TWIST2: variants seen among roughly 807,000 people sequenced by gnomAD.
TWIST2 encodes twist-related protein 2.
In TWIST2, 1 loss-of-function variant was observed where a neutral mutation model predicts 11.6. The ratio of observed to expected loss-of-function variants is 0.09; its 90% CI spans 0.03 to 0.41. TWIST2 has a LOEUF of 0.41. Among genes scored for constraint, TWIST2 ranks in the 10% least tolerant of loss-of-function variants. The pLI is 0.98. For synonymous variants in TWIST2, 87 were observed against 96.6 expected (o/e 0.90, Z 0.58); for missense variants, 168 against 226.4 (o/e 0.74, Z 1.66).
chr2:238,872,146 G>T (rs150605180), intron 1 of TWIST2, among the ~76,000 whole-genome samples: 1,826 of 152,296 alleles, frequency 0.012, 37 homozygotes, highest in African/African-American at 0.042. Context: ...TCCCACAGTG[G>T]GTCCTGCCTG....
intron 1 of TWIST2, among the ~76,000 whole-genome samples, chr2:238,858,948 A>G (rs1692378501): frequency 6.6e-6 from 1 of 152,222 alleles, no homozygotes; most frequent in African/African-American, 2.4e-5. Flanking sequence ...ACAGTGGCTC[A>G]CGCCTGTAAT....
intron 1 of TWIST2, among the ~76,000 whole-genome samples, chr2:238,902,999 CGTGATGTGAGGTGTGTGTGATGTGGGTGT>C (rs1693294542): frequency 9.7e-5 from 1 of 10,326 alleles, no homozygotes; most frequent in Non-Finnish European, 1.6e-4. Context: ...TGGGTATGTG[CGTGATGTGAGGTGTGTGTGATGTGGGTGT>C]GTGTGATGTG....
At chr2:238,854,400 G>A (rs1692294257) in intron 1 of TWIST2, among the ~76,000 whole-genome samples, 1 of 152,098 alleles carries the variant, frequency 6.6e-6, no homozygotes, top group Admixed American at 6.6e-5. Flanking sequence ...GAAAGATTTG[G>A]GCAAACCCCT....
chr2:238,871,489 C>T (rs1692700912), intron 1 of TWIST2, among the ~76,000 whole-genome samples: 1 of 101,488 alleles, frequency 9.9e-6, no homozygotes, highest in African/African-American at 3.9e-5. Context: ...CCCACACACA[C>T]CACACACACA....
chr2:238,903,602 TGTG>T (rs1191590555), intron 1 of TWIST2, among the ~76,000 whole-genome samples: 1 of 144,206 alleles, frequency 6.9e-6, no homozygotes, highest in Non-Finnish European at 1.5e-5. Flanking sequence ...GTAGTGTGTG[TGTG>T]ATGTGGGGTG....
intron 1 of TWIST2, among the ~76,000 whole-genome samples, chr2:238,878,199 C>A (rs1271944264): frequency 6.6e-6 from 1 of 152,166 alleles, no homozygotes; most frequent in Non-Finnish European, 1.5e-5. Context: ...CACTGTACCC[C>A]TCCCTGTCCA....
chr2:238,873,559 A>G (rs1403242990), intron 1 of TWIST2, among the ~76,000 whole-genome samples: 1 of 152,186 alleles, frequency 6.6e-6, no homozygotes, highest in Non-Finnish European at 1.5e-5. Flanking sequence ...ATGAGCGCAC[A>G]CAAGAGCTAC....
chr2:238,852,160 C>T (rs183810190), intron 1 of TWIST2, among the ~76,000 whole-genome samples: 59 of 152,240 alleles, frequency 3.9e-4, no homozygotes, highest in Non-Finnish European at 7.4e-4. Flanking sequence ...AAACACCACA[C>T]ACATAAAGTA....
chr2:238,909,132 C>T (rs1156324468), intron 1 of TWIST2, among the ~76,000 whole-genome samples: 3,871 of 8,164 alleles, frequency 0.47, 865 homozygotes, highest in Middle Eastern at 0.5. Flanking sequence ...GGGGTGTGTT[C>T]GTGGGTGTGG....
intron 1 of TWIST2, among the ~76,000 whole-genome samples, chr2:238,890,402 C>T (rs557024380): frequency 3.9e-5 from 6 of 152,190 alleles, no homozygotes; most frequent in East Asian, 1.9e-4. Context: ...ACTTAGGAGA[C>T]GGCCACTGAG....
intron 1 of TWIST2, among the ~76,000 whole-genome samples, chr2:238,909,077 GGT>G (rs1693408789): frequency 2.0e-5 from 3 of 151,778 alleles, no homozygotes; most frequent in African/African-American, 7.3e-5. Context: ...TGTAGTGTGG[GGT>G]GTGTGTAGTG....
intron 1 of TWIST2, among the ~76,000 whole-genome samples, chr2:238,894,379 C>A (rs1693182312): frequency 6.6e-6 from 1 of 152,118 alleles, no homozygotes; most frequent in Non-Finnish European, 1.5e-5. Flanking sequence ...CCAAGCTGGG[C>A]CCCTGAGCGG....
At chr2:238,908,839 G>GTGTGA (rs1693401202) in intron 1 of TWIST2, among the ~76,000 whole-genome samples, 1 of 113,522 alleles carries the variant, frequency 8.8e-6, no homozygotes, top group Admixed American at 9.7e-5. Context: ...TGTGTGGTGT[G>GTGTGA]TGTGATGTGT....
chr2:238,856,204 A>G (rs952188829), intron 1 of TWIST2, among the ~76,000 whole-genome samples: 1 of 152,184 alleles, frequency 6.6e-6, no homozygotes, highest in Non-Finnish European at 1.5e-5. Flanking sequence ...CAGGTGGCCC[A>G]TGCGAGCTGG....
intron 1 of TWIST2, among the ~76,000 whole-genome samples, chr2:238,868,119 G>A (rs1171003783): frequency 1.3e-5 from 2 of 152,184 alleles, no homozygotes; most frequent in African/African-American, 4.8e-5. Context: ...CCACAAAGGT[G>A]GCATCCCTCA....
chr2:238,852,376 C>T (rs561517762), intron 1 of TWIST2, among the ~76,000 whole-genome samples: 38 of 152,148 alleles, frequency 2.5e-4, no homozygotes, highest in Non-Finnish European at 3.7e-4. Flanking sequence ...TGTGTCTTTT[C>T]CTGGGAAAGG....
At chr2:238,857,810 G>A (rs1294712322) in intron 1 of TWIST2, among the ~76,000 whole-genome samples, 1 of 151,966 alleles carries the variant, frequency 6.6e-6, no homozygotes, top group African/African-American at 2.4e-5. Context: ...GGTGGCACAC[G>A]GCTGTAATCC....
intron 1 of TWIST2, among the ~76,000 whole-genome samples, chr2:238,852,465 A>G (rs1183071341): frequency 6.6e-6 from 1 of 152,264 alleles, no homozygotes; most frequent in Non-Finnish European, 1.5e-5. Flanking sequence ...ATAAAATTCA[A>G]AGAAGAGATG....
At chr2:238,894,816 A>G (rs1693189202) in intron 1 of TWIST2, among the ~76,000 whole-genome samples, 1 of 152,192 alleles carries the variant, frequency 6.6e-6, no homozygotes, top group South Asian at 2.1e-4. Flanking sequence ...CCAAACCCTC[A>G]GAAACATAAC....
Sources: allele counts gnomAD v4.1 joint callset (sites outside exome capture counted in the v4.1 genomes callset), GRCh38; gene constraint gnomAD v4.1.1; transcripts MANE v1.5; gene names NCBI Gene and HGNC (gene_info 2026-07-23, HGNC 2026-07-21).